NRXN3: variants seen among roughly 807,000 people sequenced by gnomAD.
The protein encoded by NRXN3 is neurexin III.
NRXN3 carries 32 observed loss-of-function variants against 137.6 expected under a neutral mutation model. The ratio of observed to expected loss-of-function variants is 0.23; its 90% confidence interval spans 0.18 to 0.31. The LOEUF (loss-of-function observed/expected upper bound fraction) is 0.31, where lower values mean the gene tolerates loss of function less well. Among genes scored for constraint, NRXN3 ranks in the 10% least tolerant of loss-of-function variants. The pLI, the probability that NRXN3 is intolerant of heterozygous loss-of-function variation, is 1.00. For synonymous variants in NRXN3, 798 were observed against 784.5 expected (o/e 1.02, Z -0.29); for missense variants, 1,574 against 2,062.5 (o/e 0.76, Z 4.59).
At chr14:79,058,043 G>T (rs1183878811) in intron 15 of NRXN3, among the ~76,000 whole-genome samples, 1 of 152,086 alleles carries the variant, frequency 6.6e-6, no homozygotes, top group African/African-American at 2.4e-5. Context: ...ATGAATCTTT[G>T]GATGTAACCG....
intron 15 of NRXN3, among the ~76,000 whole-genome samples, chr14:79,045,130 C>T (rs2099631107): frequency 6.6e-6 from 1 of 152,172 alleles, no homozygotes; most frequent in South Asian, 2.1e-4. Context: ...ATCCTACTCC[C>T]CCAATCCCCG....
At chr14:78,856,276 A>G (rs1266561697) in intron 10 of NRXN3, among the ~76,000 whole-genome samples, 2 of 152,222 alleles carry the variant, frequency 1.3e-5, no homozygotes, top group Non-Finnish European at 2.9e-5. Context: ...TCCTAAAAGC[A>G]TAGATGTTCT....
chr14:78,545,631 A>C (rs1186736100), intron 4 of NRXN3, among the ~76,000 whole-genome samples: 2 of 152,230 alleles, frequency 1.3e-5, no homozygotes, highest in Non-Finnish European at 2.9e-5. Context: ...ACTATTGTGC[A>C]TCATAGAATA....
chr14:78,490,077 G>A (rs377272135), intron 4 of NRXN3, among the ~76,000 whole-genome samples: 24 of 152,172 alleles, frequency 1.6e-4, no homozygotes, highest in African/African-American at 2.9e-4. Context: ...ACCATGCCTG[G>A]CTAATTTTTG....
chr14:79,322,666 CAT>C (rs2090223551), intron 15 of NRXN3, among the ~76,000 whole-genome samples: 1 of 152,086 alleles, frequency 6.6e-6, no homozygotes, highest in Non-Finnish European at 1.5e-5. Flanking sequence ...TTAAAATAAA[CAT>C]ATTAAATAAA....
intron 6 of NRXN3, among the ~76,000 whole-genome samples, chr14:78,682,816 A>G (rs757724305): frequency 6.6e-6 from 1 of 152,214 alleles, no homozygotes; most frequent in Non-Finnish European, 1.5e-5. Context: ...ATTAAAATCC[A>G]CATTCTCATG....
intron 4 of NRXN3, among the ~76,000 whole-genome samples, chr14:78,566,214 T>G (rs1346119642): frequency 1.3e-5 from 2 of 152,026 alleles, no homozygotes; most frequent in Admixed American, 6.6e-5. Flanking sequence ...GATCTCACAC[T>G]GCTGCTGGCA....
intron 4 of NRXN3, among the ~76,000 whole-genome samples, chr14:78,476,063 T>C (rs113348833): frequency 2.6e-5 from 4 of 152,286 alleles, no homozygotes; most frequent in African/African-American, 9.6e-5. Flanking sequence ...AAAGTAAATA[T>C]AATTCCCAAT....
In NRXN3 at chr14:79,214,622, A is replaced by G. The variant is rs75146004; in HGVS notation, c.3262+226481A>G. ...ATTTGTCAATTAAAACAAATTAGAA[A>G]ACAACTTACTTGTCTTTTTGCTAAA... On this transcript the variant is annotated intron_variant, in intron 15 of 20. Coordinates refer to ENST00000335750, the MANE Select transcript of NRXN3 (RefSeq NM_001330195.2). 1.7e-3 allele frequency among the ~76,000 whole-genome samples: 257 copies of G among 152,294 alleles called. 1 individual carries two copies. Among genetic ancestry groups the G allele is most frequent in the African/African-American group, 5.8e-3 (241 of 41,572 alleles).
intron 15 of NRXN3, among the ~76,000 whole-genome samples, chr14:79,184,711 G>A (rs913787100): frequency 6.6e-6 from 1 of 152,172 alleles, no homozygotes; most frequent in Non-Finnish European, 1.5e-5. Flanking sequence ...CGTATCAAGG[G>A]AAAATGTCAT....
intron 15 of NRXN3, among the ~76,000 whole-genome samples, chr14:79,299,502 C>T (rs2084776688): frequency 6.6e-6 from 1 of 152,104 alleles, no homozygotes; most frequent in Non-Finnish European, 1.5e-5. Context: ...GAGTATATCA[C>T]AGTGAAACTT....
At chr14:78,307,768 A>G (rs2077516268) in intron 4 of NRXN3, among the ~76,000 whole-genome samples, 1 of 152,170 alleles carries the variant, frequency 6.6e-6, no homozygotes, top group Non-Finnish European at 1.5e-5. Context: ...AAGCAAGGGC[A>G]GAAGCGATGA....
chr14:79,074,091 A>G (rs2099691980), intron 15 of NRXN3, among the ~76,000 whole-genome samples: 1 of 152,212 alleles, frequency 6.6e-6, no homozygotes. Flanking sequence ...TAGGTACACA[A>G]TGAATATTAT....
intron 15 of NRXN3, among the ~76,000 whole-genome samples, chr14:79,156,963 C>T (rs2060308098): frequency 1.3e-5 from 2 of 151,730 alleles, no homozygotes; most frequent in Admixed American, 6.6e-5. Context: ...AGAGCATCCC[C>T]CAAGTTGTGA....
At chr14:79,298,060 T>A (rs928486151) in intron 15 of NRXN3, among the ~76,000 whole-genome samples, 45 of 152,056 alleles carry the variant, frequency 3.0e-4, no homozygotes, top group Non-Finnish European at 5.4e-4. Context: ...TCTGTCTATT[T>A]TTTAACAGGT....
intron 1 of NRXN3, among the ~76,000 whole-genome samples, chr14:78,233,644 C>T (rs1001012836): frequency 2.5e-5 from 3 of 122,168 alleles, no homozygotes; most frequent in African/African-American, 9.8e-5. Context: ...TCCTGGAGGG[C>T]AATAGAGAAA....
intron 8 of NRXN3, among the ~76,000 whole-genome samples, chr14:78,762,416 C>T (rs915254554): frequency 1.3e-5 from 2 of 152,112 alleles, no homozygotes; most frequent in African/African-American, 2.4e-5. Flanking sequence ...TTCTTACCAG[C>T]GGGGACTTTG....
chr14:79,243,684 G>A (rs77531907), intron 15 of NRXN3, among the ~76,000 whole-genome samples: 2,418 of 152,154 alleles, frequency 0.016, 66 homozygotes, highest in African/African-American at 0.055. Context: ...AACTCATACA[G>A]CATGTTACTG....
intron 16 of NRXN3, among the ~76,000 whole-genome samples, chr14:79,496,772 A>T (rs1035693264): frequency 1.3e-5 from 2 of 152,214 alleles, no homozygotes; most frequent in Admixed American, 1.3e-4. Flanking sequence ...AGTTCAACTA[A>T]CACTTCCTCA....
Sources: gnomAD v4.1 joint callset for allele counts (sites outside exome capture counted in the v4.1 genomes callset) on GRCh38, gnomAD v4.1.1 for gene constraint, MANE v1.5 for transcripts, NCBI Gene and HGNC (gene_info 2026-07-23, HGNC 2026-07-21) for gene names.